Variants in JMY observed in about 807,000 individuals in gnomAD.
JMY encodes junction-mediating and -regulatory protein.
JMY carries 46 observed loss-of-function variants against 103.3 expected under a neutral mutation model. That is an observed-to-expected ratio of 0.45 (90% CI 0.35 to 0.57). JMY has a LOEUF of 0.57. Among genes scored for constraint, JMY ranks in the 20% least tolerant of loss-of-function variants. JMY has a pLI of 0.00. For missense variants in JMY, 1,238 were observed against 1,255.2 expected (o/e 0.99, Z 0.21); for synonymous variants, 526 against 489.3 (o/e 1.07, Z -0.99).
intron 8 of JMY, 31 bp downstream of exon 8, chr5:79,312,529 TTC>T (rs374006330): frequency 6.4e-5 from 80 of 1,241,940 alleles, no homozygotes; most frequent in South Asian, 3.2e-4. Flanking sequence ...TTTATTGTTT[TTC>T]TTTTTTTTTT....
At chr5:79,260,223 A>G (rs1745380808) in intron 1 of JMY, among the ~76,000 whole-genome samples, 1 of 152,176 alleles carries the variant, frequency 6.6e-6, no homozygotes, top group Non-Finnish European at 1.5e-5. Flanking sequence ...AGCAAGGTTG[A>G]GGCTGTGGCG....
intron 4 of JMY, among the ~76,000 whole-genome samples, chr5:79,297,130 T>G (rs1746585801): frequency 6.6e-6 from 1 of 152,186 alleles, no homozygotes; most frequent in African/African-American, 2.4e-5. Flanking sequence ...GAGAACTGAG[T>G]CTAGCTCAAA....
intron 4 of JMY, among the ~76,000 whole-genome samples, chr5:79,293,782 C>T (rs950102564): frequency 6.6e-6 from 1 of 152,128 alleles, no homozygotes; most frequent in Non-Finnish European, 1.5e-5. Flanking sequence ...TAGCCCAATA[C>T]CTGTGAAAGA....
In JMY at chr5:79,291,205, A is replaced by G. The variant is rs74709243; in HGVS notation, c.1433A>G (p.Glu478Gly). ...ASWAAAAERMEKLQYAVSKET... is the reference protein window; with the variant it reads ...ASWAAAAERMGKLQYAVSKET... ...TGGGCAGCGGCTGCTGAACGGATGG[A>G]AAAACTCCAGTATGCAGTTTCTAAG... The change falls in exon 4 of 11, where the codon GAA becomes GGA. Residue 478 changes from glutamate to glycine, a missense_variant. Glu to Gly is a moderately conservative substitution (Grantham distance 98). Coordinates refer to ENST00000396137, the MANE Select transcript of JMY (RefSeq NM_152405.5). 1.2e-6 allele frequency: 2 copies of G among 1,613,614 alleles called. No individual in the cohort carries two copies. Among genetic ancestry groups the G allele is most frequent in the African/African-American group, 1.3e-5 (1 of 75,042 alleles).
rs111482137 is a variant in JMY at position 79,253,035 on chromosome 5, A to G, written c.1032+15353A>G. 9.5e-3 allele frequency among the ~76,000 whole-genome samples: 1,440 copies of G among 151,964 alleles called. 27 individuals are homozygous for G. Among genetic ancestry groups the G allele is most frequent in the African/African-American group, 0.033 (1,370 of 41,440 alleles). ...GAAGGTGATTTTTTCTGGTGATACT[A>G]TTTAATTTCTTGATCTTTTTCTTTT... is the stretch of plus-strand genomic sequence containing the variant. On this transcript the variant is annotated intron_variant, in intron 1 of 10. Coordinates refer to ENST00000396137, the MANE Select transcript of JMY (RefSeq NM_152405.5).
intron 1 of JMY, among the ~76,000 whole-genome samples, chr5:79,245,537 T>C (rs1349773527): frequency 7.2e-5 from 11 of 152,110 alleles, no homozygotes; most frequent in African/African-American, 2.4e-4. Flanking sequence ...TAGTTTTTAG[T>C]TTATAAAGTG....
intron 2 of JMY, among the ~76,000 whole-genome samples, chr5:79,280,562 C>A (rs1036648644): frequency 7.9e-5 from 12 of 152,112 alleles, no homozygotes; most frequent in Non-Finnish European, 1.6e-4. Context: ...CATGACTATT[C>A]TTTTATTCTT....
In JMY at chr5:79,279,965, C is replaced by G. The variant is rs747214241; in HGVS notation, c.1206+1882C>G. ...TTCAAGCAGTCTTCCCACCTCAGCC[C>G]CACAAGTAGCTGGGACTATGGGCGC... On this transcript the variant is annotated intron_variant, in intron 2 of 10. Transcript: ENST00000396137. Among the ~76,000 whole-genome samples the G allele has an allele frequency of 1.4e-3, 206 of 152,222 alleles. 4 individuals carry two copies. Among genetic ancestry groups the G allele is most frequent in the South Asian group, 4.1e-4 (2 of 4,820 alleles).
At chr5:79,312,574 AT>A in intron 8 of JMY, 76 bp downstream of exon 8, 1 of 684,142 alleles carries the variant, frequency 1.5e-6, no homozygotes, top group Non-Finnish European at 2.2e-6. Flanking sequence ...CACCTGTAGG[AT>A]TTCTTTGTGG....
chr5:79,274,829 C>G (rs1324527553), intron 1 of JMY, among the ~76,000 whole-genome samples: 1 of 152,166 alleles, frequency 6.6e-6, no homozygotes, highest in African/African-American at 2.4e-5. Flanking sequence ...GTTATGTTCC[C>G]TCAGAGTGTT....
rs771462321 is a variant in JMY at position 79,290,149 on chromosome 5, C to G, written c.1235C>G (p.Pro412Arg). The change falls in exon 3 of 11, where the codon CCT (proline) becomes CGT (arginine). Residue 412 changes from proline (P) to arginine (R), a missense_variant. By Grantham distance (103) the Pro-to-Arg change is moderately radical. Transcript: ENST00000396137. ...KISMENDYLG[P>R]RRIESLQKED... ...TCCATGGAGAATGATTATCTGGGAC[C>G]TCGAAGAATTGAGAGTCTACAAAAA... The G allele has an allele frequency of 6.3e-7, 1 of 1,591,274 alleles. No individual in the cohort carries two copies. The highest frequency in any genetic ancestry group is 1.2e-5 in the South Asian group (1 of 86,554).
intron 1 of JMY, among the ~76,000 whole-genome samples, chr5:79,261,600 A>G (rs1052048388): frequency 6.6e-6 from 1 of 152,144 alleles, no homozygotes; most frequent in African/African-American, 2.4e-5. Flanking sequence ...CAAAGGCGTG[A>G]ATTACTATTT....
At chr5:79,279,768 T>C (rs1746054927) in intron 2 of JMY, among the ~76,000 whole-genome samples, 1 of 152,190 alleles carries the variant, frequency 6.6e-6, no homozygotes. Flanking sequence ...AGTTTTATCA[T>C]AAATTTGGCA....
intron 1 of JMY, among the ~76,000 whole-genome samples, chr5:79,266,071 C>T (rs1453265742): frequency 6.6e-6 from 1 of 152,066 alleles, no homozygotes. Context: ...TGTGAGCCAC[C>T]GTGCCTGGCC....
intron 4 of JMY, among the ~76,000 whole-genome samples, chr5:79,291,780 T>C (rs1746430026): frequency 6.6e-6 from 1 of 152,194 alleles, no homozygotes; most frequent in Non-Finnish European, 1.5e-5. Flanking sequence ...ACAGTCACTG[T>C]CTATCCTTTT....
intron 2 of JMY, among the ~76,000 whole-genome samples, chr5:79,280,222 G>A (rs1467328615): frequency 2.6e-5 from 4 of 152,182 alleles, no homozygotes; most frequent in East Asian, 3.8e-4. Context: ...TAAACTGGAC[G>A]ACCTGGATAC....
Position 79,316,204 on chromosome 5 carries a change from C to T in JMY, c.2864C>T (p.Pro955Leu). 4 of 1,614,054 alleles carry T rather than the reference C, an allele frequency of 2.5e-6. No individual in the cohort carries two copies. The highest frequency in any genetic ancestry group is 3.4e-6 in the Non-Finnish European group (4 of 1,179,918). ...ESFTLLPDTD[P>L]LTRSIHEALR... ...TTCACACTTCTACCCGATACAGACCCTCTAACACGGAGCATCCATGAAGCT... is the reference window on the plus strand; with the variant it reads ...TTCACACTTCTACCCGATACAGACCTTCTAACACGGAGCATCCATGAAGCT... Residue 955 changes from proline to leucine, a missense_variant, in exon 10 of 11, where the codon CCT (proline) becomes CTT (leucine). Pro to Leu is a moderately conservative substitution (Grantham distance 98). Transcript: ENST00000396137.
At chr5:79,276,609 T>C (rs1351055865) in intron 1 of JMY, among the ~76,000 whole-genome samples, 2 of 151,952 alleles carry the variant, frequency 1.3e-5, no homozygotes, top group African/African-American at 4.8e-5. Context: ...TTGCCTAAGA[T>C]TAAATTATTG....
intron 1 of JMY, among the ~76,000 whole-genome samples, chr5:79,251,189 T>C (rs982789913): frequency 8.5e-5 from 13 of 152,134 alleles, no homozygotes; most frequent in Admixed American, 6.6e-5. Flanking sequence ...TGAATGTGAT[T>C]TAAGATAGCT....
Sources: allele counts gnomAD v4.1 joint callset (sites outside exome capture counted in the v4.1 genomes callset), GRCh38; gene constraint gnomAD v4.1.1; transcripts MANE v1.5; gene names NCBI Gene and HGNC (gene_info 2026-07-23, HGNC 2026-07-21).